NCAM2: variants seen among roughly 807,000 people sequenced by gnomAD.
NCAM2 encodes neural cell adhesion molecule 2.
A neutral mutation model predicts 98.1 loss-of-function variants in NCAM2; 30 were observed. That is an observed-to-expected ratio of 0.31 (90% confidence interval 0.23 to 0.41). The LOEUF is 0.41. Among genes scored for constraint, NCAM2 ranks in the 10% least tolerant of loss-of-function variants. The pLI is 1.00. For missense variants in NCAM2, 867 were observed against 1,005.8 expected (o/e 0.86, Z 1.87); for synonymous variants, 368 against 342.4 (o/e 1.07, Z -0.83).
chr21:21,501,779 CTG>C, intron 15 of NCAM2, among the ~76,000 whole-genome samples: 1 of 152,060 alleles, frequency 6.6e-6, no homozygotes, highest in East Asian at 1.9e-4. Context: ...GACTAATTGA[CTG>C]TGTTCTTGTA....
chr21:21,108,084 T>G (rs1319066429), intron 1 of NCAM2, among the ~76,000 whole-genome samples: 1 of 152,126 alleles, frequency 6.6e-6, no homozygotes, highest in African/African-American at 2.4e-5. Context: ...AACATGTAAT[T>G]TAATTCTTTA....
chr21:21,056,332 A>C (rs2065208613), intron 1 of NCAM2, among the ~76,000 whole-genome samples: 1 of 152,072 alleles, frequency 6.6e-6, no homozygotes, highest in Non-Finnish European at 1.5e-5. Context: ...CAAATAGATT[A>C]TATTTGACTT....
At chr21:21,442,597 T>A (rs1250665035) in intron 12 of NCAM2, among the ~76,000 whole-genome samples, 1 of 152,098 alleles carries the variant, frequency 6.6e-6, no homozygotes, top group Non-Finnish European at 1.5e-5. Context: ...GGTACAAATT[T>A]AAAAGTCACT....
rs529581009 is a variant in NCAM2, at chr21:21,426,498, G to C, written c.1481-5610G>C. The stretch of plus-strand genomic sequence containing the variant: ...GAAATCACTGGAAAGGCAGAGAAAA[G>C]ACCAAAGACAGCCACCAATATTCTA... On this transcript the variant is annotated intron_variant, in intron 11 of 17. Transcript: ENST00000400546. Among the ~76,000 whole-genome samples, 7 of 152,256 alleles carry C rather than the reference G, an allele frequency of 4.6e-5. No homozygotes were observed. The East Asian group carries it at 9.7e-4, about 21-fold the overall frequency.
At chr21:21,340,419 C>CA (rs1244799790) in intron 8 of NCAM2, among the ~76,000 whole-genome samples, 1 of 151,842 alleles carries the variant, frequency 6.6e-6, no homozygotes. Context: ...ATCTATGCCT[C>CA]AGGCCACCCC....
At chr21:21,087,525 G>T (rs1431982191) in intron 1 of NCAM2, among the ~76,000 whole-genome samples, 1 of 152,114 alleles carries the variant, frequency 6.6e-6, no homozygotes, top group Non-Finnish European at 1.5e-5. Flanking sequence ...CTTTTCTAGT[G>T]CTATCTCTGG....
At chr21:21,159,990 C>T (rs7282115) in intron 1 of NCAM2, among the ~76,000 whole-genome samples, 58,452 of 151,718 alleles carry the variant, frequency 0.39, 11,467 homozygotes, top group Non-Finnish European at 0.44. Context: ...GCCTGAGATA[C>T]GGAAGACCTG....
rs887038161 is a variant in NCAM2, at chr21:21,071,886, T to G, written c.55+73268T>G. The stretch of plus-strand genomic sequence containing the variant: ...TCATGTCTGCCTATCTATCTATCTA[T>G]CTATCTATCTATCTATCTATCTATC... On this transcript the variant is annotated intron_variant, in intron 1 of 17. Transcript: ENST00000400546. Among the ~76,000 whole-genome samples the G allele has an allele frequency of 8.8e-5, 13 of 147,790 alleles. 1 individual carries two copies. Among genetic ancestry groups the G allele is most frequent in the Admixed American group, 8.8e-4 (13 of 14,822 alleles).
chr21:21,355,088 A>G (rs2075435254), intron 8 of NCAM2, among the ~76,000 whole-genome samples: 1 of 152,164 alleles, frequency 6.6e-6, no homozygotes, highest in Non-Finnish European at 1.5e-5. Flanking sequence ...CTGTGAGTCC[A>G]GTTTTACCTT....
At chr21:21,047,839 AG>A in intron 1 of NCAM2, among the ~76,000 whole-genome samples, 1 of 152,128 alleles carries the variant, frequency 6.6e-6, no homozygotes, top group Non-Finnish European at 1.5e-5. Flanking sequence ...TTCCTCCTTA[AG>A]AGGTCTGGGA....
rs376880579 is a variant in NCAM2, at chr21:21,521,210, A to G, written c.2282+12155A>G. On this transcript the variant is annotated intron_variant, in intron 16 of 17. Transcript: ENST00000400546. ...CATTCTGTCCCACCAAGGCTGTGGG[A>G]GGATCTGAGAAATGCTTGTGAAGTT... Among the ~76,000 whole-genome samples the G allele has an allele frequency of 2.6e-5, 4 of 152,130 alleles. No individual in the cohort carries two copies. In the East Asian group the frequency reaches 5.8e-4, roughly 22 times the overall value.
intron 1 of NCAM2, among the ~76,000 whole-genome samples, chr21:21,279,247 C>T (rs139039784): frequency 4.1e-4 from 62 of 152,310 alleles, no homozygotes; most frequent in African/African-American, 1.5e-3. Context: ...TCCCCCTTCC[C>T]AGCTTGGGGG....
At chr21:21,246,075 A>T (rs550411756) in intron 1 of NCAM2, among the ~76,000 whole-genome samples, 2 of 152,168 alleles carry the variant, frequency 1.3e-5, no homozygotes, top group Non-Finnish European at 2.9e-5. Context: ...TACTTTGAAG[A>T]CTAGTGATAA....
rs375210385 is a variant in NCAM2 at position 21,249,552 on chromosome 21, C to G, written c.56-31026C>G. ...TGTGTCTTACAGCCACCGTGTACTT[C>G]AGTCAAGTCACATTTTCTTTGTTTC... is the stretch of plus-strand genomic sequence containing the variant. On this transcript the variant is annotated intron_variant, in intron 1 of 17. Transcript: ENST00000400546. Among the ~76,000 whole-genome samples the G allele has an allele frequency of 9.2e-5, 14 of 152,304 alleles. 1 individual carries two copies. The highest frequency in any genetic ancestry group is 3.4e-4 in the African/African-American group (14 of 41,564).
At chr21:21,042,954 C>T (rs545483487) in intron 1 of NCAM2, among the ~76,000 whole-genome samples, 1 of 152,290 alleles carries the variant, frequency 6.6e-6, no homozygotes, top group South Asian at 2.1e-4. Context: ...TCAATATCAT[C>T]ATTCAATTTT....
rs149824901 is a variant in NCAM2, at chr21:21,525,560, A to G, written c.2283-8977A>G. On this transcript the variant is annotated intron_variant, in intron 16 of 17. Coordinates refer to ENST00000400546, the MANE Select transcript of NCAM2 (RefSeq NM_004540.5). ...AGACAGAAAGCACCAAGCCCAGACAAGTTCACTGGTGAATTCTACCAAACA... is the reference window on the plus strand; with the variant it reads ...AGACAGAAAGCACCAAGCCCAGACAGGTTCACTGGTGAATTCTACCAAACA... 8.9e-4 allele frequency among the ~76,000 whole-genome samples: 135 copies of G among 152,240 alleles called. 1 individual carries two copies. In the South Asian group the frequency reaches 0.011, roughly 13 times the overall value.
intron 9 of NCAM2, among the ~76,000 whole-genome samples, chr21:21,393,930 A>T (rs185424696): frequency 6.6e-6 from 1 of 152,306 alleles, no homozygotes; most frequent in Admixed American, 6.5e-5. Context: ...ATAATATTAG[A>T]AATATGAATA....
intron 17 of NCAM2, 113 bp downstream of exon 17, chr21:21,534,769 T>C (rs561549493): frequency 1.9e-6 from 2 of 1,079,596 alleles, no homozygotes; most frequent in African/African-American, 1.6e-5. Flanking sequence ...AGAATTGTGC[T>C]TTTACTTTTT....
intron 16 of NCAM2, among the ~76,000 whole-genome samples, chr21:21,516,683 T>C (rs1280808862): frequency 6.6e-6 from 1 of 152,094 alleles, no homozygotes; most frequent in African/African-American, 2.4e-5. Flanking sequence ...CACTTTCAAC[T>C]TCCTCCCTCA....
Sources: gnomAD v4.1 joint callset for allele counts (sites outside exome capture counted in the v4.1 genomes callset) on GRCh38, gnomAD v4.1.1 for gene constraint, MANE v1.5 for transcripts, NCBI Gene and HGNC (gene_info 2026-07-23, HGNC 2026-07-21) for gene names.